Variants in GLI3 observed in about 807,000 individuals in gnomAD.
The protein encoded by GLI3 is GLI family zinc finger 3.
GLI3 carries 20 observed loss-of-function variants against 100.8 expected under a neutral mutation model. The observed-to-expected ratio is 0.20, with a 90% CI of 0.14 to 0.29. The LOEUF (loss-of-function observed/expected upper bound fraction) is 0.29. Ranked by LOEUF, GLI3 falls within the 10% of genes least tolerant of loss-of-function variation. The pLI is 1.00. For synonymous variants in GLI3, 938 were observed against 860.5 expected, an observed-to-expected ratio of 1.09 and a Z score of -1.58; for missense variants, 2,040 against 2,128.5, an observed-to-expected ratio of 0.96 and a Z score of 0.82.
chr7:42,057,674 T>C (rs1240353264), intron 4 of GLI3, among the ~76,000 whole-genome samples: 2 of 152,008 alleles, frequency 1.3e-5, no homozygotes, highest in African/African-American at 2.4e-5. Flanking sequence ...AACATAATGA[T>C]GGATAGAAGA....
At chr7:42,135,685 G>A (rs1426883739) in intron 3 of GLI3, among the ~76,000 whole-genome samples, 1 of 152,056 alleles carries the variant, frequency 6.6e-6, no homozygotes, top group African/African-American at 2.4e-5. Context: ...AGCCTGCACG[G>A]GCCCTGCTAT....
intron 3 of GLI3, among the ~76,000 whole-genome samples, chr7:42,109,617 C>T (rs1418600358): frequency 5.3e-5 from 8 of 152,158 alleles, no homozygotes; most frequent in African/African-American, 1.7e-4. Context: ...GAATGAAACA[C>T]GGCAGAGCAG....
chr7:42,086,958 G>A (rs1785114833), intron 3 of GLI3, among the ~76,000 whole-genome samples: 1 of 152,208 alleles, frequency 6.6e-6, no homozygotes, highest in Non-Finnish European at 1.5e-5. Context: ...CTGCTGGGCA[G>A]TATGGGGATG....
intron 3 of GLI3, among the ~76,000 whole-genome samples, chr7:42,120,446 G>T (rs1785968039): frequency 6.6e-6 from 1 of 152,224 alleles, no homozygotes; most frequent in African/African-American, 2.4e-5. Flanking sequence ...TGAACTCCCA[G>T]CTGGGAAGGT....
intron 10 of GLI3, among the ~76,000 whole-genome samples, chr7:41,991,819 G>A (rs990774879): frequency 6.6e-6 from 1 of 152,188 alleles, no homozygotes; most frequent in Non-Finnish European, 1.5e-5. Context: ...AATTGAGGAA[G>A]AAGGGAAGAG....
chr7:42,112,775 A>T lies in GLI3; in HGVS notation c.367+35451T>A, dbSNP rs532077532. ...TCCCTATGAAGAAGGTACCACTGCC[A>T]TCCCCACTGTAGAGGTGCATATCTG... is the stretch of plus-strand genomic sequence containing the variant. On this transcript the variant is annotated intron_variant, in intron 3 of 14. Transcript: ENST00000395925. Among the ~76,000 whole-genome samples the T allele has an allele frequency of 4.0e-4, 61 of 151,408 alleles. No individual in the cohort carries two copies. In the Middle Eastern group the frequency reaches 0.01, roughly 25 times the overall value.
upstream of GLI3, among the ~76,000 whole-genome samples, chr7:42,240,809 A>G (rs898937717): frequency 6.6e-6 from 1 of 152,208 alleles, no homozygotes; most frequent in Non-Finnish European, 1.5e-5. Flanking sequence ...TGCAAAAGAT[A>G]GTGGGAGAGG....
intron 6 of GLI3, among the ~76,000 whole-genome samples, chr7:42,044,890 A>AT (rs1562701009): frequency 1.3e-5 from 2 of 152,058 alleles, no homozygotes; most frequent in East Asian, 3.9e-4. Flanking sequence ...ACAGGAAAAA[A>AT]TTTTTTTGGT....
intron 3 of GLI3, among the ~76,000 whole-genome samples, chr7:42,126,644 A>G (rs1031328184): frequency 4.6e-5 from 7 of 152,252 alleles, no homozygotes; most frequent in African/African-American, 1.7e-4. Context: ...TGAGTAAAGG[A>G]AACCAAAATC....
chr7:42,100,805 G>A (rs570735060), intron 3 of GLI3, among the ~76,000 whole-genome samples: 1 of 152,306 alleles, frequency 6.6e-6, no homozygotes, highest in African/African-American at 2.4e-5. Flanking sequence ...CCATGGAAGA[G>A]AGGCAGAGAG....
At chr7:41,999,224 T>C (rs1413843580) in intron 10 of GLI3, among the ~76,000 whole-genome samples, 1 of 151,842 alleles carries the variant, frequency 6.6e-6, no homozygotes, top group East Asian at 1.9e-4. Context: ...GGGGGAAAAA[T>C]GAAAGTGACC....
intron 4 of GLI3, among the ~76,000 whole-genome samples, chr7:42,061,549 G>A (rs898901222): frequency 2.0e-5 from 3 of 152,078 alleles, no homozygotes; most frequent in Non-Finnish European, 2.9e-5. Flanking sequence ...AGGTTTGCTA[G>A]GGCCATTGGT....
intron 10 of GLI3, among the ~76,000 whole-genome samples, chr7:41,985,717 CA>C (rs1368211061): frequency 1.7e-4 from 26 of 152,160 alleles, no homozygotes; most frequent in African/African-American, 6.3e-4. Flanking sequence ...TTGATAAATG[CA>C]ACATTTTTGA....
At chr7:42,048,069 A>G (rs912482276) in intron 5 of GLI3, among the ~76,000 whole-genome samples, 1 of 152,212 alleles carries the variant, frequency 6.6e-6, no homozygotes, top group Non-Finnish European at 1.5e-5. Flanking sequence ...CACAGAACAG[A>G]AAAGTGTTCA....
chr7:42,200,762 C>A (rs890422071), intron 2 of GLI3, among the ~76,000 whole-genome samples: 2 of 151,252 alleles, frequency 1.3e-5, no homozygotes, highest in Non-Finnish European at 2.9e-5. Context: ...GCACTGTGGG[C>A]AAATCATGAG....
At chr7:42,147,359 C>G (rs1431537672) in intron 3 of GLI3, among the ~76,000 whole-genome samples, 1 of 152,188 alleles carries the variant, frequency 6.6e-6, no homozygotes, top group Non-Finnish European at 1.5e-5. Flanking sequence ...AGGGGAAACA[C>G]AAACCAGTCC....
intron 10 of GLI3, among the ~76,000 whole-genome samples, chr7:41,984,703 C>A (rs1400983825): frequency 6.6e-6 from 1 of 152,196 alleles, no homozygotes; most frequent in Non-Finnish European, 1.5e-5. Context: ...GGGGGAAACG[C>A]GAAGCTTCAG....
intron 3 of GLI3, among the ~76,000 whole-genome samples, chr7:42,129,680 G>A (rs755421430): frequency 3.9e-5 from 6 of 152,036 alleles, no homozygotes; most frequent in African/African-American, 9.7e-5. Flanking sequence ...GTGAGGTGGC[G>A]GGCGCCTGTA....
intron 11 of GLI3, among the ~76,000 whole-genome samples, chr7:41,978,190 C>A (rs1032269699): frequency 2.0e-5 from 3 of 152,344 alleles, no homozygotes; most frequent in Non-Finnish European, 2.9e-5. Context: ...CACCCCCTTC[C>A]CATTCCATAC....
Sources: gnomAD v4.1 joint callset for allele counts (sites outside exome capture counted in the v4.1 genomes callset) on GRCh38, gnomAD v4.1.1 for gene constraint, MANE v1.5 for transcripts, NCBI Gene and HGNC (gene_info 2026-07-23, HGNC 2026-07-21) for gene names.